The following TRAP1 variants were observed in gnomAD, a reference collection of about 807,000 sequenced individuals.
The protein encoded by TRAP1 is heat shock protein 75 kDa, mitochondrial.
A neutral mutation model predicts 89.1 loss-of-function variants in TRAP1; 102 were observed. The observed-to-expected ratio is 1.15, with a 90% CI of 0.98 to 1.35. The LOEUF (loss-of-function observed/expected upper bound fraction) is 1.35, where lower values mean the gene tolerates loss of function less well. TRAP1 is among the 40% of genes most tolerant of loss of function. The probability of loss-of-function intolerance (pLI) is 0.00; values close to 1 mark genes in which losing one functional copy is unlikely to be tolerated. For missense variants in TRAP1, 1,256 were observed against 945.3 expected (o/e 1.33, Z -4.31); for synonymous variants, 508 against 388.0 (o/e 1.31, Z -3.64).
At chr16:3,662,445 C>T (rs2043137313) in intron 15 of TRAP1, 1 of 542,666 alleles carries the variant, frequency 1.8e-6, no homozygotes, top group Non-Finnish European at 3.3e-6. Flanking sequence ...CTCCAAGTGA[C>T]CATGCATGGG....
chr16:3,710,746 G>C (rs2051517316), intron 1 of TRAP1, among the ~76,000 whole-genome samples: 1 of 151,912 alleles, frequency 6.6e-6, no homozygotes, highest in Non-Finnish European at 1.5e-5. Flanking sequence ...TACATTAGAA[G>C]GACCCACGTC....
At chr16:3,665,773 G>T (rs2050817101) in intron 12 of TRAP1, among the ~76,000 whole-genome samples, 198 bp downstream of exon 12, 1 of 152,220 alleles carries the variant, frequency 6.6e-6, no homozygotes, top group Non-Finnish European at 1.5e-5. Context: ...CAGCACTGGT[G>T]GGAGGGTAAG....
chr16:3,679,776 C>G lies in TRAP1; in HGVS notation c.486G>C (p.Gly162=). The change falls in exon 5 of 18, where the codon GGG becomes GGC. Residue 162 remains glycine (G), a synonymous_variant. Transcript: ENST00000246957. ...TGGACACCAGCTCTTCCTGTGTCATCCCGATACCAGTATCCTGAGGAGAGA... is the reference window on the plus strand; with the variant it reads ...TGGACACCAGCTCTTCCTGTGTCATGCCGATACCAGTATCCTGAGGAGAGA... The part of the protein sequence containing the change: ...GTITIQDTGI[G]MTQEELVSNL... 1 of 1,614,098 alleles carries G rather than the reference C, an allele frequency of 6.2e-7. No homozygotes were observed. Among genetic ancestry groups the G allele is most frequent in the Admixed American group, 1.7e-5 (1 of 60,032 alleles).
Position 3,666,057 on chromosome 16 carries a change from C to G in TRAP1, c.1297G>C (p.Asp433His), listed in dbSNP as rs775193997. 1 of 1,614,164 alleles carries G rather than the reference C, an allele frequency of 6.2e-7. No individual in the cohort carries two copies. ...AAAAACTTTGCATACTTCTCAGCATCTTTTTTACTCTGGTCAATGAAGAAT... is the reference window on the plus strand; with the variant it reads ...AAAAACTTTGCATACTTCTCAGCATGTTTTTTACTCTGGTCAATGAAGAAT... The part of the protein sequence containing the change: ...IKFFIDQSKK[D>H]AEKYAKFFED... Residue 433 changes from aspartate to histidine, a missense_variant, in exon 12 of 18, where the codon GAT (aspartate) becomes CAT (histidine). Physicochemically the swap from Asp to His is moderately conservative, Grantham distance 81 (BLOSUM62 -1). Coordinates refer to ENST00000246957, the MANE Select transcript of TRAP1 (RefSeq NM_016292.3).
At chr16:3,675,946 A>C in intron 7 of TRAP1, 90 bp downstream of exon 7, 2 of 1,148,416 alleles carry the variant, frequency 1.7e-6, no homozygotes, top group South Asian at 1.5e-5. Context: ...CCCTACGTGC[A>C]GGTAGAACCA....
intron 14 of TRAP1, 45 bp downstream of exon 14, chr16:3,663,379 G>C (rs565470567): frequency 3.7e-6 from 6 of 1,611,718 alleles, no homozygotes; most frequent in South Asian, 1.1e-5. Flanking sequence ...GAGGCGTGCG[G>C]GGAGTGGAAA....
chr16:3,667,088 G>A (rs1357483862), intron 11 of TRAP1, among the ~76,000 whole-genome samples: 3 of 152,142 alleles, frequency 2.0e-5, no homozygotes, highest in Non-Finnish European at 4.4e-5. Flanking sequence ...GGAGCGGGGG[G>A]ACAGTAGCCC....
intron 1 of TRAP1, among the ~76,000 whole-genome samples, chr16:3,698,842 C>T (rs1385931053): frequency 2.6e-5 from 4 of 151,426 alleles, no homozygotes; most frequent in East Asian, 3.9e-4. Context: ...GCCAAGATCA[C>T]GCCACTGCAT....
chr16:3,678,523 G>C, intron 5 of TRAP1: 1 of 152,306 alleles, frequency 6.6e-6, no homozygotes. Context: ...GAGCGCGGTG[G>C]CGTGATCTCA....
Position 3,662,095 on chromosome 16 carries a change from G to T in TRAP1, c.1832C>A (p.Thr611Asn). The change falls in exon 16 of 18, where the codon ACC becomes AAC. Residue 611 changes from threonine to asparagine, a missense_variant. By Grantham distance (65) the Thr-to-Asn change is moderately conservative. Coordinates refer to ENST00000246957, the MANE Select transcript of TRAP1 (RefSeq NM_016292.3). ...GCGGGCAGCCCCCATCTCCAGCACG[G>T]TGACCATGGCAGGGTGGGTGTCCAG... ...LRLDTHPAMV[T>N]VLEMGAARHF... The T allele has an allele frequency of 6.2e-7, 1 of 1,613,308 alleles. No homozygotes were observed.
Position 3,674,385 on chromosome 16 carries a change from G to T in TRAP1, c.998C>A (p.Thr333Lys), listed in dbSNP as rs370347885. 1 of 1,614,112 alleles carries T rather than the reference G, an allele frequency of 6.2e-7. No homozygotes were observed. The highest frequency in any genetic ancestry group is 1.1e-5 in the South Asian group (1 of 91,082). The change falls in exon 9 of 18, where the codon ACG becomes AAG. Residue 333 changes from threonine to lysine, a missense_variant. Transcript: ENST00000246957. ...GCTGCGGATGTTGAGCGGTGCGTCC[G>T]TCTTATAGTGCAGGGTGTAGCGGGG... ...DKPRYTLHYKTDAPLNIRSIF... is the reference protein window; with the variant it reads ...DKPRYTLHYKKDAPLNIRSIF...
intron 3 of TRAP1, among the ~76,000 whole-genome samples, chr16:3,686,482 T>C (rs991046889): frequency 6.6e-6 from 1 of 152,132 alleles, no homozygotes; most frequent in African/African-American, 2.4e-5. Context: ...ACCCAGCTAA[T>C]TGTTTTAAAA....
At chr16:3,679,860 C>T (rs1596720655) in intron 4 of TRAP1, 70 bp from the exon 5 acceptor site, 1 of 1,494,512 alleles carries the variant, frequency 6.7e-7, no homozygotes, top group East Asian at 2.3e-5. Context: ...ACCAGCAGTC[C>T]CAGGGACTCA....
At chr16:3,708,083 A>G (rs1239923250) in intron 1 of TRAP1, among the ~76,000 whole-genome samples, 1 of 152,108 alleles carries the variant, frequency 6.6e-6, no homozygotes, top group Non-Finnish European at 1.5e-5. Context: ...AAGAGGTCAC[A>G]GCCACTTGGG....
intron 1 of TRAP1, among the ~76,000 whole-genome samples, chr16:3,697,006 G>A (rs553608888): frequency 5.3e-5 from 8 of 152,242 alleles, no homozygotes; most frequent in East Asian, 1.9e-4. Flanking sequence ...GATTAGAGCC[G>A]TAAGACACCA....
At chr16:3,679,541 G>A (rs182160635) in intron 5 of TRAP1, among the ~76,000 whole-genome samples, 178 bp downstream of exon 5, 31 of 152,198 alleles carry the variant, frequency 2.0e-4, no homozygotes, top group African/African-American at 7.5e-4. Context: ...GATACTGAGG[G>A]ACCAACCCCC....
intron 8 of TRAP1, chr16:3,674,828 C>G (rs1303538714): frequency 2.6e-6 from 1 of 385,958 alleles, no homozygotes; most frequent in East Asian, 5.3e-5. Context: ...ACGACCCACG[C>G]TGCACCGCAG....
chr16:3,665,886 A>T (rs2050819554), intron 12 of TRAP1, 85 bp downstream of exon 12: 1 of 1,512,370 alleles, frequency 6.6e-7, no homozygotes, highest in Admixed American at 2.3e-5. Flanking sequence ...CACCGTCGCC[A>T]CATCAGGGGA....
intron 1 of TRAP1, among the ~76,000 whole-genome samples, chr16:3,703,089 A>C (rs556635980): frequency 2.7e-4 from 41 of 150,918 alleles, no homozygotes; most frequent in African/African-American, 9.3e-4. Context: ...ATGGTAGAAT[A>C]CAAAAATCAA....
Sources: allele counts gnomAD v4.1 joint callset (sites outside exome capture counted in the v4.1 genomes callset), GRCh38; gene constraint gnomAD v4.1.1; transcripts MANE v1.5; gene names NCBI Gene and HGNC (gene_info 2026-07-23, HGNC 2026-07-21).